Variants in TNR observed in about 807,000 individuals in gnomAD.
TNR encodes tenascin-R.
Under a neutral mutation model 150.4 loss-of-function variants are expected in TNR, and 45 were observed. That is an observed-to-expected ratio of 0.30 (90% CI 0.24 to 0.38). The LOEUF (loss-of-function observed/expected upper bound fraction) is 0.38, where lower values mean the gene tolerates loss of function less well. Ranked by LOEUF, TNR falls within the 10% of genes least tolerant of loss-of-function variation. TNR has a pLI of 1.00. For synonymous variants in TNR, 687 were observed against 678.4 expected (o/e 1.01, Z -0.20); for missense variants, 1,544 against 1,759.1 (o/e 0.88, Z 2.19).
At chr1:175,671,144 G>A (rs1665684822) in intron 1 of TNR, among the ~76,000 whole-genome samples, 1 of 152,148 alleles carries the variant, frequency 6.6e-6, no homozygotes, top group East Asian at 1.9e-4. Context: ...AGAGAGACTG[G>A]CCAAAGTTGA....
rs1292717798 is a variant in TNR, at chr1:175,335,712, C to T, written c.3630G>A (p.Leu1210=). The T allele has an allele frequency of 6.2e-7, 1 of 1,611,796 alleles. No homozygotes were observed. Among genetic ancestry groups the T allele is most frequent in the Non-Finnish European group, 8.5e-7 (1 of 1,179,304 alleles). Residue 1210 remains leucine (L), a splice_region_variant and synonymous_variant, in exon 20 of 23, where the codon CTG becomes CTA. Coordinates refer to ENST00000367674, the MANE Select transcript of TNR (RefSeq NM_003285.3). ...GFGNVEDEFW[L]GLDNIHRITS... is the part of the protein sequence containing the mutation. ...TGGAAAGCAATAAGGAGGCTTTACC[C>T]AGCCAGAACTCATCCTCCACGTTCC...
intron 1 of TNR, among the ~76,000 whole-genome samples, chr1:175,666,014 C>A (rs189894352): frequency 6.6e-6 from 1 of 152,274 alleles, no homozygotes; most frequent in East Asian, 1.9e-4. Context: ...TCTTGAGAAA[C>A]CTCCCTAATT....
intron 1 of TNR, among the ~76,000 whole-genome samples, chr1:175,639,779 A>G (rs1314669503): frequency 6.6e-6 from 1 of 152,186 alleles, no homozygotes; most frequent in Non-Finnish European, 1.5e-5. Flanking sequence ...CAGCCTGAGA[A>G]TTTTGAATTT....
chr1:175,672,639 CCAGACAAGAGGATATCCCA>C (rs1377485579), intron 1 of TNR, among the ~76,000 whole-genome samples: 43 of 152,330 alleles, frequency 2.8e-4, no homozygotes, highest in African/African-American at 9.6e-4. Context: ...TGAATTCTAA[CCAGACAAGAGGATATCCCA>C]CAGCTCTTTT....
intron 2 of TNR, among the ~76,000 whole-genome samples, chr1:175,485,683 C>G (rs1010208803): frequency 1.3e-5 from 2 of 152,092 alleles, no homozygotes; most frequent in Non-Finnish European, 2.9e-5. Context: ...AGCTCTCCCC[C>G]CACTTTTCAA....
At chr1:175,420,146 C>T (rs995232005) in intron 2 of TNR, among the ~76,000 whole-genome samples, 1 of 152,182 alleles carries the variant, frequency 6.6e-6, no homozygotes, top group Non-Finnish European at 1.5e-5. Flanking sequence ...GCCTCTCACC[C>T]ACATCTCTCA....
intron 1 of TNR, among the ~76,000 whole-genome samples, chr1:175,550,759 A>C (rs765635109): frequency 5.9e-5 from 9 of 152,130 alleles, no homozygotes; most frequent in Non-Finnish European, 1.2e-4. Context: ...AATGAGAGTC[A>C]GAAAATGCAG....
intron 2 of TNR, among the ~76,000 whole-genome samples, chr1:175,515,947 A>T (rs1432407821): frequency 1.3e-5 from 2 of 152,190 alleles, no homozygotes; most frequent in East Asian, 3.8e-4. Flanking sequence ...CAAACCTGGA[A>T]GGTTCTTGTT....
intron 4 of TNR, among the ~76,000 whole-genome samples, chr1:175,402,089 T>C (rs916684805): frequency 1.3e-5 from 2 of 151,306 alleles, no homozygotes; most frequent in Non-Finnish European, 2.9e-5. Flanking sequence ...GGGCGGATCA[T>C]GAGGTCAGGA....
At chr1:175,571,390 CACA>C (rs1211168534) in intron 1 of TNR, among the ~76,000 whole-genome samples, 2 of 152,186 alleles carry the variant, frequency 1.3e-5, no homozygotes, top group African/African-American at 2.4e-5. Context: ...AATTTATCCT[CACA>C]ACAACTCTAT....
At chr1:175,372,907 G>A (rs1490815900) in intron 9 of TNR, among the ~76,000 whole-genome samples, 1 of 152,102 alleles carries the variant, frequency 6.6e-6, no homozygotes, top group East Asian at 1.9e-4. Context: ...TCACAGAGAG[G>A]GACAAACTGA....
chr1:175,690,137 C>T (rs1666316863), intron 1 of TNR, among the ~76,000 whole-genome samples: 1 of 152,102 alleles, frequency 6.6e-6, no homozygotes, highest in African/African-American at 2.4e-5. Context: ...TAGATCCGGG[C>T]CAAAGCTATG....
chr1:175,727,742 A>G (rs1397021486), intron 1 of TNR, among the ~76,000 whole-genome samples: 1 of 152,182 alleles, frequency 6.6e-6, no homozygotes, highest in Non-Finnish European at 1.5e-5. Flanking sequence ...CATGGCACCC[A>G]TGAATAAAAA....
intron 1 of TNR, among the ~76,000 whole-genome samples, chr1:175,528,714 A>T (rs1032228846): frequency 2.6e-5 from 4 of 152,162 alleles, no homozygotes; most frequent in Admixed American, 2.6e-4. Flanking sequence ...CAAATGCTTG[A>T]CACTCCCTCC....
chr1:175,706,535 T>C (rs1262213410), intron 1 of TNR, among the ~76,000 whole-genome samples: 1 of 152,158 alleles, frequency 6.6e-6, no homozygotes, highest in Non-Finnish European at 1.5e-5. Context: ...GCTGTCACCC[T>C]TTCCACCCAG....
intron 9 of TNR, among the ~76,000 whole-genome samples, chr1:175,374,063 T>C (rs1056083620): frequency 6.6e-6 from 1 of 152,182 alleles, no homozygotes; most frequent in African/African-American, 2.4e-5. Flanking sequence ...CCTGGTCCTT[T>C]CCTCCTCAGA....
Position 175,331,168 on chromosome 1 carries a change from TCCTTCC to T in TNR, c.3632-939_3632-934del, listed in dbSNP as rs1557868648. ...CTTCCTTTCTTTCTTTTTCTTTCCTTCCTTCCTTCCTTCCTTCCTTCCTTCCTTCCT... is the reference window on the plus strand; with the variant it reads ...CTTCCTTTCTTTCTTTTTCTTTCCTTTTCCTTCCTTCCTTCCTTCCTTCCT... On this transcript the variant is annotated intron_variant, in intron 20 of 22. Transcript: ENST00000367674. Among the ~76,000 whole-genome samples the T allele has an allele frequency of 5.2e-3, 237 of 45,808 alleles. 2 individuals are homozygous for T. The highest frequency in any genetic ancestry group is 0.016 in the African/African-American group (225 of 14,332). 30.1% of individuals were successfully genotyped at this position (45,808 alleles called of 152,430 possible).
chr1:175,674,064 C>T (rs969952298), intron 1 of TNR, among the ~76,000 whole-genome samples: 7 of 152,128 alleles, frequency 4.6e-5, no homozygotes, highest in African/African-American at 1.7e-4. Flanking sequence ...AAAGAGGAAA[C>T]AAGGGAGAAG....
chr1:175,340,780 G>A (rs1650484234), intron 18 of TNR, among the ~76,000 whole-genome samples: 1 of 152,178 alleles, frequency 6.6e-6, no homozygotes. Flanking sequence ...ATGCCTCAGA[G>A]GAGCCCTGTG....
Sources: gnomAD v4.1 joint callset for allele counts (sites outside exome capture counted in the v4.1 genomes callset) on GRCh38, gnomAD v4.1.1 for gene constraint, MANE v1.5 for transcripts, NCBI Gene and HGNC (gene_info 2026-07-23, HGNC 2026-07-21) for gene names.